The following RSU1 variants were observed in gnomAD, a reference collection of about 807,000 sequenced individuals.
RSU1 encodes the protein Ras suppressor protein 1.
In RSU1, 26 loss-of-function variants were observed where a neutral mutation model predicts 31.1. The observed-to-expected ratio is 0.84, with a 90% CI of 0.61 to 1.16. RSU1 has a LOEUF of 1.16. Among genes scored for constraint, RSU1 ranks in the 50% most tolerant of loss-of-function variants. The pLI is 0.00. For synonymous variants in RSU1, 164 were observed against 136.3 expected (o/e 1.20, Z -1.41); for missense variants, 320 against 339.1 (o/e 0.94, Z 0.44).
At chr10:16,719,050 A>C (rs973159122) in intron 7 of RSU1, among the ~76,000 whole-genome samples, 3 of 151,752 alleles carry the variant, frequency 2.0e-5, no homozygotes, top group Non-Finnish European at 2.9e-5. Flanking sequence ...ACACTTTGAG[A>C]GGCTAAGGCA....
intron 4 of RSU1, among the ~76,000 whole-genome samples, chr10:16,756,066 C>G (rs1194112143): frequency 6.6e-6 from 1 of 152,130 alleles, no homozygotes; most frequent in Non-Finnish European, 1.5e-5. Context: ...AGTTTTCAGG[C>G]TTTTGCTTGA....
intron 8 of RSU1, among the ~76,000 whole-genome samples, chr10:16,673,013 G>A (rs1021355744): frequency 2.0e-5 from 3 of 152,216 alleles, no homozygotes; most frequent in African/African-American, 7.2e-5. Context: ...TACACCCACT[G>A]GTCTACAGGT....
chr10:16,665,877 G>A (rs765413104), intron 8 of RSU1, among the ~76,000 whole-genome samples: 13 of 152,182 alleles, frequency 8.5e-5, no homozygotes, highest in Non-Finnish European at 1.6e-4. Context: ...GGACTCAACA[G>A]TTCAACTAGG....
At chr10:16,694,963 C>G in intron 8 of RSU1, 60 bp downstream of exon 8, 1 of 1,449,814 alleles carries the variant, frequency 6.9e-7, no homozygotes, top group Non-Finnish European at 9.5e-7. Context: ...TTTTTAAAGG[C>G]GTAATTATAA....
At chr10:16,616,034 A>G (rs1833969963) in intron 8 of RSU1, among the ~76,000 whole-genome samples, 1 of 152,300 alleles carries the variant, frequency 6.6e-6, no homozygotes, top group East Asian at 1.9e-4. Flanking sequence ...CCAGAACTGA[A>G]GGAGTCAGAG....
intron 7 of RSU1, among the ~76,000 whole-genome samples, chr10:16,699,700 T>A (rs2131568248): frequency 6.6e-6 from 1 of 152,286 alleles, no homozygotes; most frequent in South Asian, 2.1e-4. Context: ...AGCTAGAAAG[T>A]GGTGCATCTA....
At chr10:16,775,960 A>G (rs1390155210) in intron 3 of RSU1, among the ~76,000 whole-genome samples, 1 of 152,380 alleles carries the variant, frequency 6.6e-6, no homozygotes, top group East Asian at 1.9e-4. Flanking sequence ...AGATAAATTC[A>G]TGACACAGAG....
At chr10:16,686,443 T>C (rs45539738) in intron 8 of RSU1, among the ~76,000 whole-genome samples, 5,018 of 152,292 alleles carry the variant, frequency 0.033, 107 homozygotes, top group Non-Finnish European at 0.042. Context: ...AATATGATTA[T>C]ATCAAATGAA....
chr10:16,699,300 G>T (rs925266410), intron 7 of RSU1, among the ~76,000 whole-genome samples: 1 of 152,192 alleles, frequency 6.6e-6, no homozygotes, highest in African/African-American at 2.4e-5. Context: ...CCCAGCAAGC[G>T]ATTTGTCTCT....
intron 8 of RSU1, among the ~76,000 whole-genome samples, chr10:16,690,320 A>G (rs1472596473): frequency 6.6e-6 from 1 of 152,150 alleles, no homozygotes; most frequent in Non-Finnish European, 1.5e-5. Context: ...AGCTTCAACG[A>G]CCCAACCAAG....
intron 7 of RSU1, among the ~76,000 whole-genome samples, chr10:16,718,920 G>C (rs1411299796): frequency 2.0e-5 from 3 of 149,572 alleles, no homozygotes; most frequent in African/African-American, 7.4e-5. Flanking sequence ...GGTGGAGGTT[G>C]AAGTGAGCTG....
At chr10:16,788,308 C>G (rs780639) in intron 2 of RSU1, among the ~76,000 whole-genome samples, 1 of 152,080 alleles carries the variant, frequency 6.6e-6, no homozygotes, top group Non-Finnish European at 1.5e-5. Context: ...AGGGACTACA[C>G]ATTTGAACGT....
chr10:16,759,537 A>G (rs1407740550), intron 4 of RSU1, among the ~76,000 whole-genome samples: 2 of 152,148 alleles, frequency 1.3e-5, no homozygotes, highest in Admixed American at 6.5e-5. Flanking sequence ...ATCCAAATCC[A>G]CAAATATCCA....
chr10:16,653,752 A>T (rs1370466495), intron 8 of RSU1, among the ~76,000 whole-genome samples: 2 of 152,176 alleles, frequency 1.3e-5, no homozygotes, highest in Non-Finnish European at 2.9e-5. Context: ...AGAAGATAAT[A>T]TCGGACAAGA....
rs543858575 is a variant in RSU1, at chr10:16,733,668, C to G, written c.598+18871G>C. ...TGTTATAAAGGCTATAACACGGACC[C>G]AAAAATTTTTGTGAAAGAAGTAGGT... On this transcript the variant is annotated intron_variant, in intron 7 of 8. Coordinates refer to ENST00000345264, the MANE Select transcript of RSU1 (RefSeq NM_012425.4). Among the ~76,000 whole-genome samples the G allele has an allele frequency of 2.5e-4, 38 of 152,108 alleles. No homozygotes were observed. The South Asian group carries it at 7.9e-3, about 32-fold the overall frequency.
intron 4 of RSU1, among the ~76,000 whole-genome samples, chr10:16,755,584 ATTTT>A (rs151063814): frequency 0.021 from 3,174 of 151,726 alleles, 126 homozygotes; most frequent in African/African-American, 0.072. Context: ...TATGCTTGTC[ATTTT>A]TTTTGTCTTT....
chr10:16,667,772 G>A (rs541449076), intron 8 of RSU1, among the ~76,000 whole-genome samples: 1 of 152,132 alleles, frequency 6.6e-6, no homozygotes, highest in Non-Finnish European at 1.5e-5. Context: ...ACAGGCATGA[G>A]GCACTGTGCC....
At chr10:16,766,670 A>G (rs1383995058) in intron 3 of RSU1, among the ~76,000 whole-genome samples, 2 of 151,188 alleles carry the variant, frequency 1.3e-5, no homozygotes, top group Non-Finnish European at 2.9e-5. Context: ...AGCCAAGATC[A>G]TGCCATTACA....
intron 2 of RSU1, among the ~76,000 whole-genome samples, chr10:16,782,737 G>C (rs1310343893): frequency 6.6e-6 from 1 of 152,028 alleles, no homozygotes; most frequent in African/African-American, 2.4e-5. Context: ...GTAAGATTAG[G>C]TTTGCTTAAA....
Sources: allele counts gnomAD v4.1 joint callset (sites outside exome capture counted in the v4.1 genomes callset), GRCh38; gene constraint gnomAD v4.1.1; transcripts MANE v1.5; gene names NCBI Gene and HGNC (gene_info 2026-07-23, HGNC 2026-07-21).